MYO10: variants seen among roughly 807,000 people sequenced by gnomAD.
The protein encoded by MYO10 is myosin X, also known as unconventional myosin-X.
A neutral mutation model predicts 257.3 loss-of-function variants in MYO10; 133 were observed. That is an observed-to-expected ratio of 0.52 (90% CI 0.45 to 0.60). The LOEUF is 0.60. Ranked by LOEUF, MYO10 falls within the 20% of genes least tolerant of loss-of-function variation. The pLI is 0.00. For synonymous variants in MYO10, 1,104 were observed against 1,028.6 expected (o/e 1.07, Z -1.40); for missense variants, 2,399 against 2,635.7 (o/e 0.91, Z 1.97).
At chr5:16,902,284 ACTCAG>A (rs1745401552) in intron 1 of MYO10, 3 of 789,684 alleles carry the variant, frequency 3.8e-6, no homozygotes, top group Non-Finnish European at 6.8e-6. Context: ...GTCTTTAAGA[ACTCAG>A]CTCCTTACAT....
chr5:16,710,764 G>A, intron 21 of MYO10, 144 bp downstream of exon 21: 1 of 682,838 alleles, frequency 1.5e-6, no homozygotes, highest in South Asian at 1.9e-5. Flanking sequence ...GGAGACAAAA[G>A]GTTATGGTAG....
intron 11 of MYO10, among the ~76,000 whole-genome samples, chr5:16,765,189 T>C (rs1392234592): frequency 6.6e-6 from 1 of 152,164 alleles, no homozygotes; most frequent in Non-Finnish European, 1.5e-5. Context: ...CCTGGGTGTG[T>C]CTGTGTGGGT....
At chr5:16,762,504 T>A (rs1347786167) in intron 15 of MYO10, 41 bp downstream of exon 15, 23 of 1,477,972 alleles carry the variant, frequency 1.6e-5, no homozygotes, top group Non-Finnish European at 1.8e-5. Flanking sequence ...CCCACAGACG[T>A]GCTACTCCAA....
At chr5:16,868,575 A>C (rs1744353055) in intron 2 of MYO10, among the ~76,000 whole-genome samples, 1 of 152,008 alleles carries the variant, frequency 6.6e-6, no homozygotes, top group Non-Finnish European at 1.5e-5. Context: ...ACTGCACTGC[A>C]GCCTGGGTGA....
intron 3 of MYO10, among the ~76,000 whole-genome samples, chr5:16,795,793 C>G (rs938651016): frequency 1.3e-4 from 20 of 151,996 alleles, no homozygotes; most frequent in Admixed American, 1.1e-3. Context: ...GTGAATGTAC[C>G]TAATATGACT....
intron 1 of MYO10, among the ~76,000 whole-genome samples, chr5:16,928,005 T>G (rs1394929575): frequency 6.6e-6 from 1 of 152,106 alleles, no homozygotes; most frequent in Non-Finnish European, 1.5e-5. Flanking sequence ...AAGCAAATGA[T>G]AGGTGATATG....
rs531987983 is a variant in MYO10 at position 16,898,054 on chromosome 5, G to A, written c.22-20347C>T. 7.9e-5 allele frequency among the ~76,000 whole-genome samples: 12 copies of A among 152,164 alleles called. No individual in the cohort carries two copies. The East Asian group carries it at 1.7e-3, about 22-fold the overall frequency. On this transcript the variant is annotated intron_variant, in intron 1 of 40. Transcript: ENST00000513610. ...CCCAGGCTGGGAGATAAGCACTGCT[G>A]GCAGGTAGGAGGGTCCCAGCAGCTG...
Position 16,699,111 on chromosome 5 carries a change from G to A in MYO10, c.3556+339C>T, listed in dbSNP as rs75382137. Among the ~76,000 whole-genome samples the A allele has an allele frequency of 9.3e-3, 1,420 of 152,226 alleles. 20 individuals carry two copies. The highest frequency in any genetic ancestry group is 0.032 in the African/African-American group (1,315 of 41,516). On this transcript the variant is annotated intron_variant, in intron 26 of 40. Transcript: ENST00000513610. ...AAGGATGAAGAAAGAGCTAAGAAAG[G>A]AAAACGAGACAGGGAGAGACAGGGG...
At chr5:16,807,123 A>G (rs1742300300) in intron 3 of MYO10, among the ~76,000 whole-genome samples, 1 of 152,150 alleles carries the variant, frequency 6.6e-6, no homozygotes, top group South Asian at 2.1e-4. Context: ...TTTCGTACTC[A>G]CCATCCCCCC....
intron 2 of MYO10, among the ~76,000 whole-genome samples, chr5:16,844,954 G>A (rs42486): frequency 0.032 from 4,515 of 142,310 alleles, 216 homozygotes; most frequent in African/African-American, 0.12. Context: ...ACACACACAC[G>A]CACACACACA....
At chr5:16,686,027 G>A (rs1737238420) in intron 28 of MYO10, among the ~76,000 whole-genome samples, 196 bp from the exon 29 acceptor site, 1 of 152,156 alleles carries the variant, frequency 6.6e-6, no homozygotes, top group Non-Finnish European at 1.5e-5. Context: ...ACGTGTAAAT[G>A]CCTTTTAGTG....
At chr5:16,731,892 A>G (rs1285882541) in intron 19 of MYO10, among the ~76,000 whole-genome samples, 1 of 152,140 alleles carries the variant, frequency 6.6e-6, no homozygotes, top group Non-Finnish European at 1.5e-5. Flanking sequence ...TTGAGAACTC[A>G]TTTTTTAGTA....
In MYO10 at chr5:16,694,361, A is replaced by G. The variant is rs1370406917; in HGVS notation, c.3800+10T>C. 3 of 1,613,816 alleles carry G rather than the reference A, an allele frequency of 1.9e-6. No homozygotes were observed. Among genetic ancestry groups the G allele is most frequent in the African/African-American group, 2.7e-5 (2 of 74,946 alleles). Reference sequence around the variant, plus strand: ...AACCCATCGGGCCACAGCCAGGCTTAGCAACCTACTTTGCCGTTCGCACTT... The same window carrying G: ...AACCCATCGGGCCACAGCCAGGCTTGGCAACCTACTTTGCCGTTCGCACTT... On this transcript the variant is annotated intron_variant, in intron 27 of 40. Coordinates refer to ENST00000513610, the MANE Select transcript of MYO10 (RefSeq NM_012334.3).
chr5:16,811,982 C>A (rs572133931), intron 3 of MYO10, among the ~76,000 whole-genome samples: 5 of 152,204 alleles, frequency 3.3e-5, no homozygotes, highest in African/African-American at 1.2e-4. Context: ...CTCTCCTTAG[C>A]GGGTATTTGC....
chr5:16,770,387 G>A (rs921819616), intron 9 of MYO10, among the ~76,000 whole-genome samples: 3 of 152,148 alleles, frequency 2.0e-5, no homozygotes, highest in Admixed American at 1.3e-4. Context: ...CTAAGTGGAA[G>A]TTAACATAAT....
At chr5:16,870,621 G>A (rs748835882) in intron 2 of MYO10, among the ~76,000 whole-genome samples, 3 of 152,008 alleles carry the variant, frequency 2.0e-5, no homozygotes, top group Non-Finnish European at 2.9e-5. Flanking sequence ...CAGCAGGCAC[G>A]GTGACTCACA....
chr5:16,768,494 T>G (rs934691951), intron 10 of MYO10, among the ~76,000 whole-genome samples: 2 of 152,046 alleles, frequency 1.3e-5, no homozygotes, highest in African/African-American at 4.8e-5. Flanking sequence ...TTGCTCATAT[T>G]TCCACGTACT....
intron 18 of MYO10, among the ~76,000 whole-genome samples, chr5:16,756,590 AC>A (rs1430560300): frequency 6.6e-6 from 1 of 152,138 alleles, no homozygotes; most frequent in African/African-American, 2.4e-5. Flanking sequence ...ACAAGACAAA[AC>A]ATCCTGACAT....
chr5:16,872,515 T>C (rs1672380702), intron 2 of MYO10, among the ~76,000 whole-genome samples: 1 of 152,192 alleles, frequency 6.6e-6, no homozygotes, highest in African/African-American at 2.4e-5. Flanking sequence ...AAAGTTAATG[T>C]TATGTGATTC....
Sources: allele counts gnomAD v4.1 joint callset (sites outside exome capture counted in the v4.1 genomes callset), GRCh38; gene constraint gnomAD v4.1.1; transcripts MANE v1.5; gene names NCBI Gene and HGNC (gene_info 2026-07-23, HGNC 2026-07-21).